Variants in AKAP6 observed in about 807,000 individuals in gnomAD.
The protein encoded by AKAP6 is A-kinase anchoring protein 6.
In AKAP6, 58 loss-of-function variants were observed where a neutral mutation model predicts 188.5. The observed-to-expected ratio is 0.31, with a 90% CI of 0.25 to 0.38. AKAP6 has a LOEUF of 0.38. Among genes scored for constraint, AKAP6 ranks in the 10% least tolerant of loss-of-function variants. AKAP6 has a pLI of 1.00. For synonymous variants in AKAP6, 989 were observed against 998.6 expected (o/e 0.99, Z 0.18); for missense variants, 2,710 against 2,740.0 (o/e 0.99, Z 0.24).
At chr14:32,416,965 C>T (rs565502294) in intron 1 of AKAP6, among the ~76,000 whole-genome samples, 26 of 152,256 alleles carry the variant, frequency 1.7e-4, no homozygotes, top group African/African-American at 4.8e-4. Context: ...CTCAGCATCT[C>T]GAGTAACTGG....
chr14:32,658,305 G>A lies in AKAP6; in HGVS notation c.2731-20006G>A, dbSNP rs547872911. Among the ~76,000 whole-genome samples the A allele has an allele frequency of 2.4e-4, 36 of 152,148 alleles. No homozygotes were observed. The South Asian group carries it at 4.4e-3, about 18-fold the overall frequency. The stretch of plus-strand genomic sequence containing the variant: ...CCTGTTTAAAATGTGAAAGCTGTTG[G>A]CTCTATAATTTCTAAAGAGCATCCT... On this transcript the variant is annotated intron_variant, in intron 7 of 13. Transcript: ENST00000280979.
intron 12 of AKAP6, among the ~76,000 whole-genome samples, chr14:32,789,800 G>C (rs1466441391): frequency 6.6e-6 from 1 of 152,188 alleles, no homozygotes; most frequent in Non-Finnish European, 1.5e-5. Flanking sequence ...AACTCAAAAA[G>C]CCAGAGTGCC....
intron 11 of AKAP6, among the ~76,000 whole-genome samples, chr14:32,751,479 A>G (rs1293135041): frequency 7.0e-6 from 1 of 142,448 alleles, no homozygotes; most frequent in African/African-American, 2.5e-5. Context: ...ATGTAGGACT[A>G]GGTATCTGTC....
chr14:32,567,648 T>G (rs945943240), intron 4 of AKAP6, among the ~76,000 whole-genome samples: 1 of 152,176 alleles, frequency 6.6e-6, no homozygotes, highest in Non-Finnish European at 1.5e-5. Context: ...CATGTAATCT[T>G]TTGAATAATC....
chr14:32,379,134 T>G (rs1888258986), intron 1 of AKAP6, among the ~76,000 whole-genome samples: 1 of 152,120 alleles, frequency 6.6e-6, no homozygotes, highest in Non-Finnish European at 1.5e-5. Flanking sequence ...TTGGCCAGGC[T>G]GGTCTCAAAC....
intron 7 of AKAP6, among the ~76,000 whole-genome samples, chr14:32,631,113 A>G (rs900660683): frequency 6.6e-6 from 1 of 151,984 alleles, no homozygotes; most frequent in African/African-American, 2.4e-5. Flanking sequence ...ATTTTCCACA[A>G]ATAACATTTT....
At chr14:32,719,773 TA>T (rs1284663236) in intron 9 of AKAP6, among the ~76,000 whole-genome samples, 2 of 152,128 alleles carry the variant, frequency 1.3e-5, no homozygotes, top group Non-Finnish European at 2.9e-5. Flanking sequence ...GAAATCTGAA[TA>T]AAAGCCAAAC....
At chr14:32,697,287 C>T (rs1890443882) in intron 9 of AKAP6, among the ~76,000 whole-genome samples, 1 of 152,128 alleles carries the variant, frequency 6.6e-6, no homozygotes, top group Non-Finnish European at 1.5e-5. Context: ...TCCCCAGGGA[C>T]CCAGCAAATG....
At chr14:32,477,587 A>G (rs778500380) in intron 2 of AKAP6, among the ~76,000 whole-genome samples, 4 of 152,308 alleles carry the variant, frequency 2.6e-5, no homozygotes, top group Middle Eastern at 6.8e-3. Context: ...TGTCCTAACA[A>G]ATGAATTTAG....
intron 9 of AKAP6, among the ~76,000 whole-genome samples, chr14:32,730,402 C>T (rs549328838): frequency 1.1e-4 from 17 of 152,230 alleles, no homozygotes; most frequent in Admixed American, 5.2e-4. Context: ...ACTACTTATA[C>T]GCATTTAACA....
chr14:32,348,697 G>A (rs372121818), intron 1 of AKAP6, among the ~76,000 whole-genome samples: 21 of 152,230 alleles, frequency 1.4e-4, no homozygotes, highest in Middle Eastern at 3.4e-3. Flanking sequence ...ATAGGCATGA[G>A]CCACCGTGCC....
intron 11 of AKAP6, among the ~76,000 whole-genome samples, chr14:32,773,209 A>G (rs1188462347): frequency 2.0e-5 from 3 of 152,126 alleles, no homozygotes; most frequent in Non-Finnish European, 4.4e-5. Context: ...ATTCTTTGCA[A>G]TCTTGTTTAA....
At chr14:32,442,134 TCTTA>T (rs1325730907) in intron 2 of AKAP6, among the ~76,000 whole-genome samples, 1 of 152,126 alleles carries the variant, frequency 6.6e-6, no homozygotes, top group Non-Finnish European at 1.5e-5. Context: ...ATACTAGGAG[TCTTA>T]CTTATAGTAT....
chr14:32,568,284 A>G lies in AKAP6; in HGVS notation c.2347-8836A>G, dbSNP rs1241295878. ...TAGTCCAGAGCTTAGACCCTGGAAC[A>G]AAACTATTTAATAACCACTTAATAG... On this transcript the variant is annotated intron_variant, in intron 4 of 13. Coordinates refer to ENST00000280979, the MANE Select transcript of AKAP6 (RefSeq NM_004274.5). This position sits in a 1 kb window ranked among gnomAD's most constrained non-coding sequence, Gnocchi z 6.2. Among the ~76,000 whole-genome samples, 1 of 152,184 alleles carries G rather than the reference A, an allele frequency of 6.6e-6. No individual in the cohort carries two copies. Among genetic ancestry groups the G allele is most frequent in the Admixed American group, 6.5e-5 (1 of 15,272 alleles).
intron 2 of AKAP6, among the ~76,000 whole-genome samples, chr14:32,470,335 C>T (rs938156660): frequency 1.3e-5 from 2 of 152,130 alleles, no homozygotes; most frequent in Non-Finnish European, 2.9e-5. Flanking sequence ...TGTATCCCAC[C>T]CTACCCATCC....
chr14:32,424,254 T>A (rs1378151641), intron 1 of AKAP6, among the ~76,000 whole-genome samples: 1 of 152,168 alleles, frequency 6.6e-6, no homozygotes, highest in Non-Finnish European at 1.5e-5. Context: ...CCAAACTCCA[T>A]AACATGGCAT....
chr14:32,557,043 G>GA (rs765631984), intron 4 of AKAP6, among the ~76,000 whole-genome samples: 51 of 148,294 alleles, frequency 3.4e-4, no homozygotes, highest in East Asian at 9.8e-4. Flanking sequence ...ATTTGTCTTG[G>GA]AAAAAAAAAA....
intron 1 of AKAP6, among the ~76,000 whole-genome samples, chr14:32,377,015 G>C (rs2138536624): frequency 6.6e-6 from 1 of 152,246 alleles, no homozygotes; most frequent in African/African-American, 2.4e-5. Flanking sequence ...GTTTTCATTT[G>C]AACTGTTTGC....
intron 2 of AKAP6, among the ~76,000 whole-genome samples, chr14:32,485,721 G>T (rs1387845368): frequency 6.6e-6 from 1 of 151,982 alleles, no homozygotes; most frequent in Admixed American, 6.6e-5. Flanking sequence ...TTAGCCCTTT[G>T]TCAGATGGAT....
Sources: gnomAD v4.1 joint callset for allele counts (sites outside exome capture counted in the v4.1 genomes callset) on GRCh38, gnomAD v4.1.1 for gene constraint, Gnocchi (gnomAD v3.1) non-coding constraint, MANE v1.5 for transcripts, NCBI Gene and HGNC (gene_info 2026-07-23, HGNC 2026-07-21) for gene names.